NOVA1: variants seen among roughly 807,000 people sequenced by gnomAD.
NOVA1 encodes the protein RNA-binding protein Nova-1.
A neutral mutation model predicts 38.0 loss-of-function variants in NOVA1; 7 were observed. That is an observed-to-expected ratio of 0.18 (90% CI 0.10 to 0.35). The LOEUF is 0.35. NOVA1 is among the 10% of genes least tolerant of loss of function. The probability of loss-of-function intolerance (pLI) is 1.00; values close to 1 mark genes in which losing one functional copy is unlikely to be tolerated. For synonymous variants in NOVA1, 270 were observed against 232.5 expected (o/e 1.16, Z -1.47); for missense variants, 460 against 616.0 (o/e 0.75, Z 2.68).
intron 2 of NOVA1, among the ~76,000 whole-genome samples, chr14:26,547,385 G>C (rs950429411): frequency 2.0e-5 from 3 of 151,964 alleles, no homozygotes; most frequent in African/African-American, 7.3e-5. Context: ...TACACAAGCA[G>C]TATATTTTCA....
chr14:26,501,114 A>G (rs568953711), intron 2 of NOVA1, among the ~76,000 whole-genome samples: 2 of 152,168 alleles, frequency 1.3e-5, no homozygotes, highest in South Asian at 4.1e-4. Flanking sequence ...AAAACATCAC[A>G]AATCAAATGT....
chr14:26,596,991 C>T, intron 1 of NOVA1: 2 of 1,244,470 alleles, frequency 1.6e-6, no homozygotes, highest in Non-Finnish European at 2.0e-6. Flanking sequence ...GACCTTCTTG[C>T]CCAGGTCTAG....
chr14:26,510,931 C>T (rs1016228618), intron 2 of NOVA1, among the ~76,000 whole-genome samples: 1 of 151,938 alleles, frequency 6.6e-6, no homozygotes, highest in Non-Finnish European at 1.5e-5. Context: ...AATGGACAAA[C>T]CAGACTGGTT....
At chr14:26,526,822 A>G (rs1889334973) in intron 2 of NOVA1, among the ~76,000 whole-genome samples, 1 of 152,170 alleles carries the variant, frequency 6.6e-6, no homozygotes, top group Non-Finnish European at 1.5e-5. Flanking sequence ...TCTTAAGGCA[A>G]TGTGGTCTTG....
chr14:26,587,876 T>C (rs1893625176), intron 2 of NOVA1, among the ~76,000 whole-genome samples: 1 of 151,152 alleles, frequency 6.6e-6, no homozygotes, highest in Admixed American at 6.6e-5. Flanking sequence ...CCCCCCTAGA[T>C]TAGATCTTAA....
chr14:26,502,562 T>C (rs905537710), intron 2 of NOVA1, among the ~76,000 whole-genome samples: 5 of 151,056 alleles, frequency 3.3e-5, no homozygotes, highest in African/African-American at 9.7e-5. Flanking sequence ...TAAATCTAAT[T>C]ACAGGTTATG....
chr14:26,492,486 C>T (rs749132147), intron 2 of NOVA1, among the ~76,000 whole-genome samples: 5 of 152,062 alleles, frequency 3.3e-5, no homozygotes, highest in East Asian at 1.9e-4. Context: ...ATGTTAGCTG[C>T]GGCTTTTCCA....
intron 2 of NOVA1, among the ~76,000 whole-genome samples, chr14:26,579,053 C>CTTTTTTTTTT (rs869075814): frequency 2.0e-4 from 16 of 80,082 alleles, no homozygotes; most frequent in East Asian, 8.9e-4. Context: ...AGGTGGTATT[C>CTTTTTTTTTT]TTTTTTTTTT....
At chr14:26,565,334 TCA>T (rs1892069704) in intron 2 of NOVA1, among the ~76,000 whole-genome samples, 1 of 152,130 alleles carries the variant, frequency 6.6e-6, no homozygotes, top group African/African-American at 2.4e-5. Context: ...TTCTGGTATC[TCA>T]CAGTGCCTAG....
intron 2 of NOVA1, among the ~76,000 whole-genome samples, chr14:26,498,226 AT>A (rs1303293493): frequency 2.5e-3 from 353 of 142,408 alleles, no homozygotes; most frequent in Middle Eastern, 3.5e-3. Flanking sequence ...CGCCCAGTTA[AT>A]TTTTTTTTTT....
At chr14:26,475,912 G>A (rs1379333789) in intron 3 of NOVA1, among the ~76,000 whole-genome samples, 1 of 152,112 alleles carries the variant, frequency 6.6e-6, no homozygotes, top group Non-Finnish European at 1.5e-5. Flanking sequence ...TTTCAAGCAA[G>A]TCTGCAGTAA....
intron 2 of NOVA1, among the ~76,000 whole-genome samples, chr14:26,545,757 G>A (rs1751456643): frequency 6.6e-6 from 1 of 151,896 alleles, no homozygotes; most frequent in Non-Finnish European, 1.5e-5. Flanking sequence ...TTGATTAATA[G>A]CTACAAAGTG....
rs1881941817 is a variant in NOVA1 at position 26,444,752 on chromosome 14, T to C, written c.*3207A>G. On this transcript the variant is annotated 3_prime_UTR_variant, in exon 5 of 5. Transcript: ENST00000539517. ...AAGTGCAGACGAAATTGGTCTTCAG[T>C]GCAAAGAGGAAGGCAGCCGTTTAAA... The C allele has an allele frequency of 6.6e-6, 1 of 151,740 alleles. No individual in the cohort carries two copies. The highest frequency in any genetic ancestry group is 1.5e-5 in the Non-Finnish European group (1 of 67,986). The allele number at this position is 151,740 out of a possible 1,614,324, so 9.4% of individuals were successfully genotyped here.
At chr14:26,595,931 C>T (rs767180922) in intron 1 of NOVA1, 1 of 404,070 alleles carries the variant, frequency 2.5e-6, no homozygotes, top group Non-Finnish European at 4.8e-6. Flanking sequence ...TATAAGATGA[C>T]AAACCTTCAC....
intron 2 of NOVA1, among the ~76,000 whole-genome samples, chr14:26,510,642 C>A (rs1888004944): frequency 1.3e-5 from 2 of 152,060 alleles, no homozygotes. Flanking sequence ...AACGAAGAGT[C>A]ATGGTAGAGA....
In NOVA1 at chr14:26,444,957, G is replaced by C. The variant is rs1283661399; in HGVS notation, c.*3002C>G. On this transcript the variant is annotated 3_prime_UTR_variant, in exon 5 of 5. Transcript: ENST00000539517. ...TGTTGAGGAAAAGATCTTGGATCTA[G>C]AATGAGGTGTCCAATCTGTATGATA... 1.3e-5 allele frequency: 2 copies of C among 152,024 alleles called. No homozygotes were observed. Among genetic ancestry groups the C allele is most frequent in the Non-Finnish European group, 1.5e-5 (1 of 68,016 alleles). The allele number at this position is 152,024 out of a possible 1,614,324, so 9.4% of individuals were successfully genotyped here. A position where few individuals can be genotyped will look rare whatever the true frequency, so the allele number is the denominator to read the frequency against.
intron 3 of NOVA1, among the ~76,000 whole-genome samples, chr14:26,474,390 G>A (rs1884814581): frequency 6.6e-6 from 1 of 151,914 alleles, no homozygotes; most frequent in African/African-American, 2.4e-5. Flanking sequence ...GAACCATGTA[G>A]AAAAAGTTTA....
intron 1 of NOVA1, chr14:26,596,584 T>C: frequency 2.3e-6 from 3 of 1,289,150 alleles, no homozygotes; most frequent in South Asian, 1.2e-5. Context: ...TCTGCTTCGA[T>C]GCATTGGGTG....
chr14:26,455,583 AACTT>A (rs143388182), intron 4 of NOVA1, among the ~76,000 whole-genome samples: 1,717 of 152,186 alleles, frequency 0.011, 23 homozygotes, highest in Middle Eastern at 0.058. Context: ...GACAAAATTT[AACTT>A]ACTTATTTTT....
Sources: allele counts gnomAD v4.1 joint callset (sites outside exome capture counted in the v4.1 genomes callset), GRCh38; gene constraint gnomAD v4.1.1; transcripts MANE v1.5; gene names NCBI Gene and HGNC (gene_info 2026-07-23, HGNC 2026-07-21).